Variants in ERBB4 observed in about 807,000 individuals in gnomAD.
The protein encoded by ERBB4 is receptor tyrosine-protein kinase erbB-4.
Under a neutral mutation model 158.0 loss-of-function variants are expected in ERBB4, and 42 were observed. That is an observed-to-expected ratio of 0.27 (90% CI 0.21 to 0.34). The LOEUF is 0.34. Ranked by LOEUF, ERBB4 falls within the 10% of genes least tolerant of loss-of-function variation. The pLI, the probability that ERBB4 is intolerant of heterozygous loss-of-function variation, is 1.00. For missense variants in ERBB4, 1,333 were observed against 1,624.1 expected, an observed-to-expected ratio of 0.82 and a Z score of 3.08; for synonymous variants, 583 against 558.7, an observed-to-expected ratio of 1.04 and a Z score of -0.61.
At chr2:211,603,857 T>C (rs1034304005) in intron 19 of ERBB4, among the ~76,000 whole-genome samples, 1 of 152,198 alleles carries the variant, frequency 6.6e-6, no homozygotes, top group Non-Finnish European at 1.5e-5. Flanking sequence ...TATAGATGCT[T>C]ACAGTGTTAA....
chr2:211,440,816 T>C (rs1011598931), intron 20 of ERBB4, among the ~76,000 whole-genome samples: 7 of 152,194 alleles, frequency 4.6e-5, no homozygotes, highest in African/African-American at 1.7e-4. Context: ...ATTAAAAATG[T>C]GAAACTCCTA....
chr2:212,360,713 C>T (rs769273301), intron 1 of ERBB4, among the ~76,000 whole-genome samples: 66 of 151,594 alleles, frequency 4.4e-4, no homozygotes, highest in Non-Finnish European at 7.2e-4. Context: ...CTTTCAGTGA[C>T]CATACTGAAA....
chr2:211,456,258 G>A (rs900291161), intron 20 of ERBB4, among the ~76,000 whole-genome samples: 8 of 152,064 alleles, frequency 5.3e-5, no homozygotes, highest in African/African-American at 1.2e-4. Flanking sequence ...CAATAATCCC[G>A]TTGTTTTATT....
chr2:212,403,454 T>C (rs1323602530), intron 1 of ERBB4, among the ~76,000 whole-genome samples: 2 of 152,090 alleles, frequency 1.3e-5, no homozygotes, highest in Non-Finnish European at 2.9e-5. Context: ...CCCATATTCA[T>C]TGTAGCACTA....
chr2:211,966,328 A>G (rs2081310869), intron 2 of ERBB4, among the ~76,000 whole-genome samples: 1 of 151,932 alleles, frequency 6.6e-6, no homozygotes, highest in Non-Finnish European at 1.5e-5. Flanking sequence ...TGCAACTTCT[A>G]CCTCCCAGGT....
At chr2:211,588,025 G>C (rs1198347986) in intron 19 of ERBB4, among the ~76,000 whole-genome samples, 1 of 152,150 alleles carries the variant, frequency 6.6e-6, no homozygotes, top group Non-Finnish European at 1.5e-5. Flanking sequence ...ATCTACAGCT[G>C]TTTGAAGAAT....
chr2:211,978,806 T>C (rs746545236), intron 2 of ERBB4, among the ~76,000 whole-genome samples: 2 of 152,166 alleles, frequency 1.3e-5, no homozygotes, highest in Non-Finnish European at 2.9e-5. Context: ...GTTCTCTAAC[T>C]ACACCAAAGA....
At chr2:211,944,124 A>C (rs2125128536) in intron 3 of ERBB4, among the ~76,000 whole-genome samples, 1 of 141,412 alleles carries the variant, frequency 7.1e-6, no homozygotes, top group East Asian at 2.0e-4. Context: ...ATATATACAC[A>C]CTATATATGT....
chr2:211,770,433 A>C (rs2075661003), intron 4 of ERBB4, among the ~76,000 whole-genome samples: 1 of 152,234 alleles, frequency 6.6e-6, no homozygotes, highest in Admixed American at 6.5e-5. Context: ...CTTCGAAGAA[A>C]AGTTAATTAT....
At chr2:211,853,360 T>C (rs915619454) in intron 3 of ERBB4, among the ~76,000 whole-genome samples, 2 of 152,042 alleles carry the variant, frequency 1.3e-5, no homozygotes, top group African/African-American at 4.8e-5. Context: ...GTCAAAACGT[T>C]TATTCCAAGG....
At chr2:211,581,801 A>G (rs1401873762) in intron 19 of ERBB4, among the ~76,000 whole-genome samples, 3 of 151,972 alleles carry the variant, frequency 2.0e-5, no homozygotes, top group African/African-American at 2.4e-5. Context: ...CACGAGGTCA[A>G]GAGATTGAGA....
At chr2:212,289,885 T>C (rs958734591) in intron 1 of ERBB4, among the ~76,000 whole-genome samples, 2 of 152,224 alleles carry the variant, frequency 1.3e-5, no homozygotes, top group African/African-American at 4.8e-5. Flanking sequence ...AGATTCTCTA[T>C]AGTACAGCTT....
intron 1 of ERBB4, among the ~76,000 whole-genome samples, chr2:212,366,706 T>G (rs2089903073): frequency 6.6e-6 from 1 of 152,042 alleles, no homozygotes; most frequent in African/African-American, 2.4e-5. Context: ...TTGAATAATA[T>G]TATCAAGAAT....
chr2:211,880,726 G>A (rs1452631847), intron 3 of ERBB4, among the ~76,000 whole-genome samples: 2 of 152,012 alleles, frequency 1.3e-5, no homozygotes, highest in Non-Finnish European at 2.9e-5. Flanking sequence ...TCAAATTTAC[G>A]GTGAAATCAT....
chr2:212,078,040 G>C (rs533390752), intron 2 of ERBB4, among the ~76,000 whole-genome samples: 2 of 152,080 alleles, frequency 1.3e-5, no homozygotes, highest in South Asian at 4.1e-4. Flanking sequence ...TAATTCCAAA[G>C]GAAGTTAGAG....
intron 12 of ERBB4, among the ~76,000 whole-genome samples, chr2:211,684,752 T>G (rs549166943): frequency 5.9e-5 from 9 of 152,186 alleles, no homozygotes; most frequent in Non-Finnish European, 1.3e-4. Context: ...TGATGCCAAC[T>G]GGTCTGAAGG....
At position 212,201,109 on chromosome 2, in the gene ERBB4, A is replaced by G. The variant is rs537067346; in HGVS notation, c.83-76206T>C. The stretch of plus-strand genomic sequence containing the variant: ...TATTTTTTTAGAATTAGTCAATTAG[A>G]TATTAAGAAAGTACATTTAAAATTT... On this transcript the variant is annotated intron_variant, in intron 1 of 27. Transcript: ENST00000342788. Among the ~76,000 whole-genome samples the G allele has an allele frequency of 2.0e-5, 3 of 152,280 alleles. No homozygotes were observed. The East Asian group carries it at 5.8e-4, about 29-fold the overall frequency.
chr2:211,773,341 G>C (rs886649405), intron 4 of ERBB4, among the ~76,000 whole-genome samples: 4 of 151,290 alleles, frequency 2.6e-5, no homozygotes, highest in Admixed American at 1.3e-4. Context: ...ATGTGTGTAT[G>C]TATAAATTTA....
At chr2:211,804,922 CTTT>C (rs201486236) in intron 3 of ERBB4, among the ~76,000 whole-genome samples, 2 of 139,126 alleles carry the variant, frequency 1.4e-5, no homozygotes, top group African/African-American at 2.7e-5. Flanking sequence ...TCAAAATATT[CTTT>C]TTTTTTTTTT....
Sources: gnomAD v4.1 joint callset for allele counts (sites outside exome capture counted in the v4.1 genomes callset) on GRCh38, gnomAD v4.1.1 for gene constraint, MANE v1.5 for transcripts, NCBI Gene and HGNC (gene_info 2026-07-23, HGNC 2026-07-21) for gene names.